Variants in TRAP1 observed in about 807,000 individuals in gnomAD.
TRAP1 encodes the protein TNF receptor associated protein 1, also known as heat shock protein 75 kDa, mitochondrial.
Under a neutral mutation model 89.1 loss-of-function variants are expected in TRAP1, and 102 were observed. The ratio of observed to expected loss-of-function variants is 1.15; its 90% CI spans 0.98 to 1.35. The LOEUF is 1.35. TRAP1 is among the 40% of genes most tolerant of loss of function. TRAP1 has a pLI of 0.00. For synonymous variants in TRAP1, 508 were observed against 388.0 expected, an observed-to-expected ratio of 1.31 and a Z score of -3.64; for missense variants, 1,256 against 945.3, an observed-to-expected ratio of 1.33 and a Z score of -4.31.
intron 15 of TRAP1, chr16:3,662,588 T>C (rs989259922): frequency 1.6e-6 from 1 of 617,342 alleles, no homozygotes; most frequent in Admixed American, 2.1e-5. Flanking sequence ...ATGTCCCTTG[T>C]TTGGAACCCC....
chr16:3,690,908 C>G lies in TRAP1; in HGVS notation c.166G>C (p.Gly56Arg). 2 of 1,593,212 alleles carry G rather than the reference C, an allele frequency of 1.3e-6. No homozygotes were observed. Among genetic ancestry groups the G allele is most frequent in the Non-Finnish European group, 1.7e-6 (2 of 1,170,054 alleles). The change falls in exon 2 of 18, where the codon GGA becomes CGA. Residue 56 changes from glycine (G) to arginine (R), a missense_variant. Gly to Arg is a moderately radical substitution (Grantham distance 125). Coordinates refer to ENST00000246957, the MANE Select transcript of TRAP1 (RefSeq NM_016292.3). ...GCGGTCTGCGTGCTGAACAGTCGTC[C>G]TGCCTGCAAGCTCCAGGCTGGGTTT... Reference protein sequence around the residue: ...RRNPAWSLQAGRLFSTQTAED... With the variant: ...RRNPAWSLQARRLFSTQTAED...
Position 3,666,129 on chromosome 16 carries a change from G to T in TRAP1, c.1236-11C>A, listed in dbSNP as rs776857704. 2.5e-6 allele frequency: 4 copies of T among 1,608,282 alleles called. No individual in the cohort carries two copies. The highest frequency in any genetic ancestry group is 3.4e-5 in the Admixed American group (2 of 58,426). ...ACGTCCCGGAGTTTCCTACAGAAAA[G>T]AAATGCATTTAATACATACAAGCAG... On this transcript the variant is annotated splice_polypyrimidine_tract_variant and intron_variant, in intron 11 of 17. Transcript: ENST00000246957.
chr16:3,707,891 A>G (rs1162513137), intron 1 of TRAP1, among the ~76,000 whole-genome samples: 1 of 151,514 alleles, frequency 6.6e-6, no homozygotes, highest in East Asian at 1.9e-4. Context: ...ACACATTAAG[A>G]AAAAAACTGG....
intron 1 of TRAP1, among the ~76,000 whole-genome samples, chr16:3,704,931 A>G (rs1032772359): frequency 5.3e-5 from 8 of 152,226 alleles, no homozygotes; most frequent in African/African-American, 1.9e-4. Context: ...ATAAAAGCTA[A>G]AAGTACTGAA....
Position 3,694,841 on chromosome 16 carries a change from G to A in TRAP1, c.89-3856C>T, listed in dbSNP as rs555420896. Among the ~76,000 whole-genome samples the A allele has an allele frequency of 3.3e-5, 5 of 152,148 alleles. 1 individual carries two copies. The highest frequency in any genetic ancestry group is 2.1e-4 in the South Asian group (1 of 4,816). ...ATTAAACTCCCCGTGGCACAAACCC[G>A]GTAGCTTACAGTAACAGACACTTAT... On this transcript the variant is annotated intron_variant, in intron 1 of 17. Coordinates refer to ENST00000246957, the MANE Select transcript of TRAP1 (RefSeq NM_016292.3).
At chr16:3,678,195 C>G (rs1407478087) in intron 5 of TRAP1, 1 of 152,976 alleles carries the variant, frequency 6.5e-6, no homozygotes, top group African/African-American at 2.4e-5. Flanking sequence ...GCCCACTGCC[C>G]TGGCCCACGT....
chr16:3,705,485 TG>T (rs1193733082), intron 1 of TRAP1, among the ~76,000 whole-genome samples: 1 of 152,208 alleles, frequency 6.6e-6, no homozygotes, highest in Non-Finnish European at 1.5e-5. Flanking sequence ...TCTATGGATT[TG>T]CCTTTTCTGG....
At chr16:3,669,796 G>A (rs1420623758) in intron 11 of TRAP1, among the ~76,000 whole-genome samples, 1 of 132,946 alleles carries the variant, frequency 7.5e-6, no homozygotes, top group Non-Finnish European at 1.5e-5. Flanking sequence ...TCGTGCCACT[G>A]CACTCCAGCC....
chr16:3,662,549 G>C (rs933614165), intron 15 of TRAP1: 8 of 558,894 alleles, frequency 1.4e-5, no homozygotes, highest in Non-Finnish European at 2.7e-5. Context: ...ACCCAAGTGA[G>C]CATGTGAGCT....
chr16:3,658,785 G>C lies in TRAP1; in HGVS notation c.2013+8C>G, dbSNP rs569161134. On this transcript the variant is annotated splice_region_variant and intron_variant, in intron 17 of 17. Transcript: ENST00000246957. ...GTCCCTGCAGTCATCCTAAGCTGCT[G>C]CACTCACCTGATCCACCAGCAGCTG... The C allele has an allele frequency of 1.2e-6, 2 of 1,613,186 alleles. No homozygotes were observed. The highest frequency in any genetic ancestry group is 2.7e-5 in the African/African-American group (2 of 74,930).
intron 5 of TRAP1, among the ~76,000 whole-genome samples, chr16:3,679,030 C>T (rs2051038851): frequency 6.6e-6 from 1 of 152,142 alleles, no homozygotes; most frequent in African/African-American, 2.4e-5. Flanking sequence ...CAGAACTGCT[C>T]TGTGGGTCTG....
At position 3,663,572 on chromosome 16, in the gene TRAP1, G is replaced by T; in HGVS notation, c.1570-10C>A. ...CAAAGCAGAAGAGAACCTGCAGGTG[G>T]CCAAGAGCAGCTCCATCAGACCCCG... On this transcript the variant is annotated splice_polypyrimidine_tract_variant and intron_variant, in intron 13 of 17. Coordinates refer to ENST00000246957, the MANE Select transcript of TRAP1 (RefSeq NM_016292.3). The T allele has an allele frequency of 6.2e-7, 1 of 1,613,328 alleles. No individual in the cohort carries two copies. The highest frequency in any genetic ancestry group is 1.1e-5 in the South Asian group (1 of 91,078).
At chr16:3,681,306 C>T (rs55794514) in intron 4 of TRAP1, among the ~76,000 whole-genome samples, 5,104 of 152,304 alleles carry the variant, frequency 0.034, 120 homozygotes, top group Middle Eastern at 0.068. Context: ...GCACCAGGCG[C>T]CAGTGCTGTC....
chr16:3,658,500 G>T, intron 17 of TRAP1: 1 of 569,856 alleles, frequency 1.8e-6, no homozygotes, highest in Non-Finnish European at 3.1e-6. Flanking sequence ...TGGCCAAGAT[G>T]GTGAAAACCC....
At chr16:3,716,821 C>T (rs1366964977) in intron 1 of TRAP1, among the ~76,000 whole-genome samples, 1 of 152,230 alleles carries the variant, frequency 6.6e-6, no homozygotes, top group Non-Finnish European at 1.5e-5. Flanking sequence ...GAGGACACAG[C>T]TGCGTCAACG....
intron 15 of TRAP1, 64 bp downstream of exon 15, chr16:3,662,818 C>T: frequency 6.5e-7 from 1 of 1,540,680 alleles, no homozygotes; most frequent in Non-Finnish European, 9.0e-7. Context: ...CTGGGAGCCA[C>T]CAGCTGGCCA....
chr16:3,679,908 A>C (rs1486837901), intron 4 of TRAP1, 118 bp from the exon 5 acceptor site: 1 of 863,432 alleles, frequency 1.2e-6, no homozygotes, highest in South Asian at 1.4e-5. Flanking sequence ...GGGCCCAGCC[A>C]GGTAGCACCA....
chr16:3,711,523 C>T (rs1179799922), intron 1 of TRAP1, among the ~76,000 whole-genome samples: 1 of 151,186 alleles, frequency 6.6e-6, no homozygotes, highest in South Asian at 2.1e-4. Flanking sequence ...TGCTTGAACC[C>T]GGGAGGTGGA....
intron 2 of TRAP1, 32 bp from the exon 3 acceptor site, chr16:3,689,169 G>C: frequency 1.3e-6 from 2 of 1,552,068 alleles, no homozygotes; most frequent in Non-Finnish European, 1.8e-6. Context: ...AACCAACAAA[G>C]TTTAACTTCT....
Sources: gnomAD v4.1 joint callset for allele counts (sites outside exome capture counted in the v4.1 genomes callset) on GRCh38, gnomAD v4.1.1 for gene constraint, MANE v1.5 for transcripts, NCBI Gene and HGNC (gene_info 2026-07-23, HGNC 2026-07-21) for gene names.